The following KDM3A variants were observed in gnomAD, a reference collection of about 807,000 sequenced individuals.
KDM3A encodes the protein lysine-specific demethylase 3A.
A neutral mutation model predicts 158.0 loss-of-function variants in KDM3A; 60 were observed. The observed-to-expected ratio is 0.38, with a 90% CI of 0.31 to 0.47. KDM3A has a LOEUF of 0.47. KDM3A is among the 20% of genes least tolerant of loss of function. The pLI is 0.99. For synonymous variants in KDM3A, 608 were observed against 549.3 expected, an observed-to-expected ratio of 1.11 and a Z score of -1.49; for missense variants, 1,319 against 1,574.3, an observed-to-expected ratio of 0.84 and a Z score of 2.74.
rs1394741436 is a variant in KDM3A, at chr2:86,489,779, TACCTGTCAGATTGAATAGGCTG to T, written c.3573+122_3573+143del. On this transcript the variant is annotated intron_variant, in intron 23 of 25. Coordinates refer to ENST00000312912, the MANE Select transcript of KDM3A (RefSeq NM_018433.6). ...GTCACAACCTGAAAAGTTAAATCTG[TACCTGTCAGATTGAATAGGCTG>T]AAGGTGGTTGCTAAGGAACAAGGAT... The T allele has an allele frequency of 2.0e-5, 21 of 1,063,114 alleles. No homozygotes were observed. The African/African-American group carries it at 3.3e-4, about 17-fold the overall frequency. The allele number at this position is 1,063,114 out of a possible 1,614,324, so 65.9% of individuals were successfully genotyped here. A position where few individuals can be genotyped will look rare whatever the true frequency, so the allele number is the denominator to read the frequency against.
intron 14 of KDM3A, 126 bp from the exon 15 acceptor site, chr2:86,478,482 G>A: frequency 8.8e-7 from 1 of 1,130,044 alleles, no homozygotes; most frequent in Non-Finnish European, 1.3e-6. Context: ...AAGGCCTCTG[G>A]AGCAGGATGA....
rs1674105730 is a variant in KDM3A at position 86,484,834 on chromosome 2, AG to A, written c.3095-107del. 3 of 598,262 alleles carry A rather than the reference AG, an allele frequency of 5.0e-6. No individual in the cohort carries two copies. In the East Asian group the frequency reaches 8.4e-5, roughly 17 times the overall value. The allele number at this position is 598,262 out of a possible 1,614,324, so 37.1% of individuals were successfully genotyped here. On this transcript the variant is annotated intron_variant, in intron 19 of 25. Coordinates refer to ENST00000312912, the MANE Select transcript of KDM3A (RefSeq NM_018433.6). ...ATTTATCAGGTTATGAAAATTTTGC[AG>A]AGACATATTTTATTTGTATTGTTGA...
intron 19 of KDM3A, 112 bp downstream of exon 19, chr2:86,484,270 AGTTTAAAATTAAC>A (rs1172482834): frequency 6.5e-6 from 6 of 917,802 alleles, no homozygotes; most frequent in Admixed American, 2.5e-5. Context: ...AGGATTTTGG[AGTTTAAAATTAAC>A]GTCTCTCCTC....
At chr2:86,443,458 T>G (rs1682825468) in intron 2 of KDM3A, 1 of 152,012 alleles carries the variant, frequency 6.6e-6, no homozygotes, top group African/African-American at 2.4e-5. Flanking sequence ...AAAGGAGGAG[T>G]GACCGAAGAG....
intron 11 of KDM3A, among the ~76,000 whole-genome samples, chr2:86,474,068 ATTAT>A (rs1673539097): frequency 6.6e-6 from 1 of 152,122 alleles, no homozygotes; most frequent in Admixed American, 6.5e-5. Context: ...ATCTGATCAG[ATTAT>A]TTATCACCTT....
rs528415354 is a variant in KDM3A at position 86,466,898 on chromosome 2, A to G, written c.1519+15A>G. 6 of 1,563,056 alleles carry G rather than the reference A, an allele frequency of 3.8e-6. No homozygotes were observed. Among genetic ancestry groups the G allele is most frequent in the South Asian group, 2.4e-5 (2 of 84,508 alleles). On this transcript the variant is annotated intron_variant, in intron 10 of 25. Coordinates refer to ENST00000312912, the MANE Select transcript of KDM3A (RefSeq NM_018433.6). ...AATCCAGAATGGTGAGTGTTTCTCA[A>G]TATCTTTATTGGTAGAAGGTAAGAA...
At chr2:86,438,209 T>G (rs1682522649), upstream of KDM3A, among the ~76,000 whole-genome samples, 2 of 152,150 alleles carry the variant, frequency 1.3e-5, no homozygotes, top group Non-Finnish European at 2.9e-5. Context: ...AAATTTTTGG[T>G]GTATCTATTG....
At chr2:86,481,814 T>C in intron 16 of KDM3A, 116 bp from the exon 17 acceptor site, 1 of 726,796 alleles carries the variant, frequency 1.4e-6, no homozygotes, top group Non-Finnish European at 2.3e-6. Context: ...CCTAAAGTAT[T>C]TTTTTTGTTT....
chr2:86,439,661 A>C (rs1005786949), upstream of KDM3A, among the ~76,000 whole-genome samples: 1 of 152,068 alleles, frequency 6.6e-6, no homozygotes, highest in Non-Finnish European at 1.5e-5. Flanking sequence ...TATTTCTGAG[A>C]TATTTATGTC....
chr2:86,443,561 A>T (rs559514069), intron 2 of KDM3A: 1 of 152,264 alleles, frequency 6.6e-6, no homozygotes, highest in South Asian at 2.1e-4. Context: ...CCCCCATTTT[A>T]TGGATGAAAC....
intron 16 of KDM3A, among the ~76,000 whole-genome samples, chr2:86,480,889 T>G (rs1673892336): frequency 6.6e-6 from 1 of 152,240 alleles, no homozygotes; most frequent in Non-Finnish European, 1.5e-5. Context: ...AGGCCCTCTC[T>G]TTACATGTGA....
intron 8 of KDM3A, among the ~76,000 whole-genome samples, chr2:86,463,622 G>C (rs185840789): frequency 1.4e-4 from 22 of 152,346 alleles, no homozygotes; most frequent in Non-Finnish European, 2.4e-4. Context: ...GCCTACAAGA[G>C]TCCTATGTGG....
In KDM3A at chr2:86,480,260, T is replaced by C; in HGVS notation, c.2410T>C (p.Ser804Pro). The C allele has an allele frequency of 1.2e-6, 2 of 1,613,698 alleles. No individual in the cohort carries two copies. The highest frequency in any genetic ancestry group is 1.7e-6 in the Non-Finnish European group (2 of 1,179,980). Residue 804 changes from serine to proline, a missense_variant, in exon 16 of 26, where the codon TCC becomes CCC. Physicochemically the swap from Ser to Pro is moderately conservative, Grantham distance 74. Transcript: ENST00000312912. The stretch of plus-strand genomic sequence containing the variant: ...AGCAGCTGTGGGTGGGGAAGCAGCC[T>C]CCAAGCCAGCCGGCAGCATGAAGCC... ...EPAAVGGEAA[S>P]KPAGSMKPAC...
intron 1 of KDM3A, 95 bp downstream of exon 1, chr2:86,441,539 C>A (rs912677724): frequency 6.6e-6 from 1 of 150,842 alleles, no homozygotes; most frequent in African/African-American, 2.4e-5. Flanking sequence ...CGGCGCAGGC[C>A]CGGGAGACGG....
Position 86,479,923 on chromosome 2 carries a change from G to A in KDM3A, c.2317-244G>A, listed in dbSNP as rs753332934. Reference sequence around the variant, plus strand: ...GTAATAGGGATATGTACCAGCAGGGGCTGGTGAAAGGGTGCGGGGGGTAAT... The same window carrying A: ...GTAATAGGGATATGTACCAGCAGGGACTGGTGAAAGGGTGCGGGGGGTAAT... On this transcript the variant is annotated intron_variant, in intron 15 of 25. Coordinates refer to ENST00000312912, the MANE Select transcript of KDM3A (RefSeq NM_018433.6). The A allele has an allele frequency of 6.0e-4, 310 of 516,360 alleles. 1 individual carries two copies. Among genetic ancestry groups the A allele is most frequent in the Middle Eastern group, 1.0e-3 (2 of 1,914 alleles). The allele number at this position is 516,360 out of a possible 1,614,324, so 32.0% of individuals were successfully genotyped here. A position where few individuals can be genotyped will look rare whatever the true frequency, so the allele number is the denominator to read the frequency against.
upstream of KDM3A, among the ~76,000 whole-genome samples, chr2:86,439,825 T>C (rs1682589920): frequency 6.6e-6 from 1 of 152,194 alleles, no homozygotes; most frequent in African/African-American, 2.4e-5. Flanking sequence ...TCTCTTTTGA[T>C]ACTTTTAATT....
At chr2:86,486,456 A>G (rs73946205) in intron 21 of KDM3A, among the ~76,000 whole-genome samples, 5,849 of 152,256 alleles carry the variant, frequency 0.038, 382 homozygotes, top group African/African-American at 0.13. Context: ...AGTTTTACAC[A>G]TGGCCTTTAA....
At chr2:86,473,111 T>C (rs1673491918) in intron 11 of KDM3A, among the ~76,000 whole-genome samples, 1 of 152,240 alleles carries the variant, frequency 6.6e-6, no homozygotes, top group Non-Finnish European at 1.5e-5. Context: ...CTATTTCTTA[T>C]GTCTCCTACT....
intron 6 of KDM3A, 73 bp from the exon 7 acceptor site, chr2:86,456,732 T>A: frequency 7.4e-7 from 1 of 1,343,624 alleles, no homozygotes; most frequent in Non-Finnish European, 1.1e-6. Context: ...ATTGTTATGT[T>A]AATGAACCTG....
Sources: allele counts gnomAD v4.1 joint callset (sites outside exome capture counted in the v4.1 genomes callset), GRCh38; gene constraint gnomAD v4.1.1; transcripts MANE v1.5; gene names NCBI Gene and HGNC (gene_info 2026-07-23, HGNC 2026-07-21).